XIAP: variants seen among roughly 807,000 people sequenced by gnomAD.
XIAP encodes E3 ubiquitin-protein ligase XIAP.
In XIAP, 3 loss-of-function variants were observed where a neutral mutation model predicts 33.1. The ratio of observed to expected loss-of-function variants is 0.09; its 90% CI spans 0.04 to 0.23. The LOEUF (loss-of-function observed/expected upper bound fraction) is 0.23, where lower values mean the gene tolerates loss of function less well. XIAP is among the 10% of genes least tolerant of loss of function. The pLI, the probability that XIAP is intolerant of heterozygous loss-of-function variation, is 1.00. For missense variants in XIAP, 264 were observed against 363.0 expected (o/e 0.73, Z 2.22); for synonymous variants, 98 against 121.3 (o/e 0.81, Z 1.26).
chrX:123,873,906 C>T (rs1430398753), intron 1 of XIAP: 2 of 105,889 alleles, frequency 1.9e-5, no homozygotes, highest in East Asian at 2.9e-4. Flanking sequence ...TGCACTCCAG[C>T]CTGGGCGACA....
chrX:123,884,787 G>A (rs1219367204), intron 1 of XIAP, among the ~76,000 whole-genome samples: 2 of 111,009 alleles, frequency 1.8e-5, no homozygotes, highest in African/African-American at 3.3e-5. Flanking sequence ...TAACCTAACG[G>A]GTTCCTTTTA....
rs1191275564 is a variant in XIAP, at chrX:123,910,322, A to G, written c.*3141A>G. On this transcript the variant is annotated 3_prime_UTR_variant, in exon 7 of 7. Transcript: ENST00000371199. ...ATGTGATTTGGCCCTGTGTATTATGATATTTTGTTATTTTTGTTGTTATAT... is the reference window on the plus strand; with the variant it reads ...ATGTGATTTGGCCCTGTGTATTATGGTATTTTGTTATTTTTGTTGTTATAT... 2 of 328,591 alleles carry G rather than the reference A, an allele frequency of 6.1e-6. No homozygotes were observed. 27.1% of individuals were successfully genotyped at this position (328,591 alleles called of 1,213,427 possible). A position where few individuals can be genotyped will look rare whatever the true frequency, so the allele number is the denominator to read the frequency against.
At position 123,888,738 on chromosome X, in the gene XIAP, A is replaced by G. The variant is rs751399863; in HGVS notation, c.977+20A>G. 8.5e-7 allele frequency: 1 copy of G among 1,175,743 alleles called. No individual in the cohort carries two copies. Among genetic ancestry groups the G allele is most frequent in the South Asian group, 1.8e-5 (1 of 56,089 alleles). On this transcript the variant is annotated intron_variant, in intron 3 of 6. Coordinates refer to ENST00000371199, the MANE Select transcript of XIAP (RefSeq NM_001167.4). Reference sequence around the variant, plus strand: ...TCCAGGGTAAGATATTTAATTGTTCATTGTACAGGCAAGTTGGATAGCATG... The same window carrying G: ...TCCAGGGTAAGATATTTAATTGTTCGTTGTACAGGCAAGTTGGATAGCATG...
rs182285922 is a variant in XIAP, at chrX:123,873,364, G to A, written c.-32-12267G>A. Among the ~76,000 whole-genome samples the A allele has an allele frequency of 1.0e-4, 11 of 105,918 alleles. No homozygotes were observed. In the East Asian group the frequency reaches 2.8e-3, roughly 27 times the overall value. The allele number at this position is 105,918 out of a possible 115,157, so 92.0% of individuals were successfully genotyped here. A position where few individuals can be genotyped will look rare whatever the true frequency, so the allele number is the denominator to read the frequency against. ...TATTTTATTTTTTTTTGTAGAGATG[G>A]GGTCTCACCATGTTGCCCAGGCTGG... On this transcript the variant is annotated intron_variant, in intron 1 of 6. Coordinates refer to ENST00000371199, the MANE Select transcript of XIAP (RefSeq NM_001167.4).
rs1479358639 is a variant in XIAP at position 123,911,214 on chromosome X, A to G, written c.*4033A>G. 3.7e-5 allele frequency: 12 copies of G among 322,255 alleles called. No homozygotes were observed. Among genetic ancestry groups the G allele is most frequent in the African/African-American group, 3.3e-4 (11 of 33,040 alleles). The allele number at this position is 322,255 out of a possible 1,213,427, so 26.6% of individuals were successfully genotyped here. ...ATAAATCAGCTGGGCGCGGTGGCTC[A>G]TGCCTGTAATCCCAGCACTTTGGGA... On this transcript the variant is annotated 3_prime_UTR_variant, in exon 7 of 7. Coordinates refer to ENST00000371199, the MANE Select transcript of XIAP (RefSeq NM_001167.4).
intron 1 of XIAP, chrX:123,873,072 C>A (rs748173860): frequency 9.3e-6 from 1 of 107,107 alleles, no homozygotes; most frequent in Non-Finnish European, 1.9e-5. Flanking sequence ...GCTGTTGTTG[C>A]CCAGGCTGGA....
chrX:123,892,852 A>G, intron 5 of XIAP, 79 bp downstream of exon 5: 1 of 961,946 alleles, frequency 1.0e-6, no homozygotes, highest in Non-Finnish European at 1.5e-6. Flanking sequence ...ACAGAGTCTC[A>G]CTCTGTTGCC....
chrX:123,900,335 A>G (rs2053503971), intron 5 of XIAP, among the ~76,000 whole-genome samples, 158 bp from the exon 6 acceptor site: 1 of 112,246 alleles, frequency 8.9e-6, no homozygotes, highest in Admixed American at 9.5e-5. Context: ...GAATACTTCA[A>G]AAAATCTTCC....
Position 123,907,309 on chromosome X carries a change from A to G in XIAP, c.*128A>G. The G allele has an allele frequency of 1.6e-6, 1 of 609,819 alleles. No homozygotes were observed. Among genetic ancestry groups the G allele is most frequent in the Non-Finnish European group, 2.7e-6 (1 of 369,338 alleles). 50.3% of individuals were successfully genotyped at this position (609,819 alleles called of 1,213,427 possible). On this transcript the variant is annotated 3_prime_UTR_variant, in exon 7 of 7. Coordinates refer to ENST00000371199, the MANE Select transcript of XIAP (RefSeq NM_001167.4). ...CTACCAAGTAGGAAAAAAAATGTAC[A>G]TGGCAGTGTTTTAGTTGGCAATATA... is the stretch of plus-strand genomic sequence containing the variant.
intron 1 of XIAP, among the ~76,000 whole-genome samples, chrX:123,872,356 T>C (rs965409961): frequency 1.9e-5 from 2 of 104,643 alleles, no homozygotes; most frequent in African/African-American, 7.0e-5. Context: ...GGCACACTAG[T>C]GTCTCACTTA....
chrX:123,864,985 TTTC>T (rs1181208768), intron 1 of XIAP, among the ~76,000 whole-genome samples: 10 of 61,014 alleles, frequency 1.6e-4, no homozygotes, highest in Non-Finnish European at 2.6e-4. Flanking sequence ...CCAGGCCGCC[TTTC>T]TTCTTTTTTT....
At position 123,908,101 on chromosome X, in the gene XIAP, A is replaced by G. The variant is rs2053569167; in HGVS notation, c.*920A>G. ...TTTTTAGAAAGTATTTTGCTGATTT[A>G]AAGGCTTAGGCATGTTCAAACGCCT... On this transcript the variant is annotated 3_prime_UTR_variant, in exon 7 of 7. Coordinates refer to ENST00000371199, the MANE Select transcript of XIAP (RefSeq NM_001167.4). The G allele has an allele frequency of 5.5e-6, 2 of 364,020 alleles. No individual in the cohort carries two copies. Among genetic ancestry groups the G allele is most frequent in the African/African-American group, 2.5e-5 (1 of 39,244 alleles). 30.0% of individuals were successfully genotyped at this position (364,020 alleles called of 1,213,427 possible).
In XIAP at chrX:123,911,069, C is replaced by G. The variant is rs1288239148; in HGVS notation, c.*3888C>G. 4 of 326,641 alleles carry G rather than the reference C, an allele frequency of 1.2e-5. No individual in the cohort carries two copies. The highest frequency in any genetic ancestry group is 2.6e-5 in the South Asian group (1 of 38,257). 26.9% of individuals were successfully genotyped at this position (326,641 alleles called of 1,213,427 possible). The stretch of plus-strand genomic sequence containing the variant: ...AAATATGAACTCCCATCCTAATACC[C>G]TTTTACCTCTCTGTGGGTTTGTCTT... On this transcript the variant is annotated 3_prime_UTR_variant, in exon 7 of 7. Transcript: ENST00000371199.
chrX:123,878,036 A>G (rs889345351), intron 1 of XIAP, among the ~76,000 whole-genome samples: 1 of 111,638 alleles, frequency 9.0e-6, no homozygotes, highest in African/African-American at 3.2e-5. Context: ...TCTGTGAAAC[A>G]GGTTAAATAT....
chrX:123,860,448 C>T (rs940451441), intron 1 of XIAP, 155 bp downstream of exon 1: 4 of 261,618 alleles, frequency 1.5e-5, no homozygotes, highest in South Asian at 1.0e-4. Flanking sequence ...CCGGCCCCGG[C>T]TGCTTGCCCG....
intron 6 of XIAP, among the ~76,000 whole-genome samples, chrX:123,905,545 G>C (rs1427699809): frequency 9.0e-6 from 1 of 111,225 alleles, no homozygotes; most frequent in Non-Finnish European, 1.9e-5. Flanking sequence ...ATAACACATT[G>C]TAATTACCTT....
intron 1 of XIAP, among the ~76,000 whole-genome samples, chrX:123,871,832 G>C (rs75543597): frequency 0.013 from 1,416 of 111,168 alleles, 18 homozygotes; most frequent in African/African-American, 0.044. Flanking sequence ...GCCGGGTGCG[G>C]TGGCTCATGC....
At chrX:123,870,307 G>A (rs867877032) in intron 1 of XIAP, among the ~76,000 whole-genome samples, 1 of 105,458 alleles carries the variant, frequency 9.5e-6, no homozygotes, top group Non-Finnish European at 2.0e-5. Flanking sequence ...TAGTAGAGAA[G>A]TACTTACTTG....
At chrX:123,881,147 C>T (rs755209641) in intron 1 of XIAP, among the ~76,000 whole-genome samples, 1 of 111,138 alleles carries the variant, frequency 9.0e-6, no homozygotes, top group South Asian at 3.7e-4. Flanking sequence ...GCCTTCCTGC[C>T]TTTCCACTTA....
Sources: allele counts gnomAD v4.1 joint callset (sites outside exome capture counted in the v4.1 genomes callset), GRCh38; gene constraint gnomAD v4.1.1; transcripts MANE v1.5; gene names NCBI Gene and HGNC (gene_info 2026-07-23, HGNC 2026-07-21).